Variants in FGFR2 observed in about 807,000 individuals in gnomAD.
FGFR2 encodes the protein BEK fibroblast growth factor receptor.
Under a neutral mutation model 95.9 loss-of-function variants are expected in FGFR2, and 19 were observed. The observed-to-expected ratio is 0.20, with a 90% CI of 0.14 to 0.29. The LOEUF is 0.29. FGFR2 is among the 10% of genes least tolerant of loss of function. The pLI, the probability that FGFR2 is intolerant of heterozygous loss-of-function variation, is 1.00. For synonymous variants in FGFR2, 392 were observed against 393.3 expected, an observed-to-expected ratio of 1.00 and a Z score of 0.04; for missense variants, 707 against 1,056.9, an observed-to-expected ratio of 0.67 and a Z score of 4.59.
intron 4 of FGFR2, among the ~76,000 whole-genome samples, chr10:121,563,780 G>A (rs535046728): frequency 6.6e-6 from 1 of 152,176 alleles, no homozygotes; most frequent in Non-Finnish European, 1.5e-5. Flanking sequence ...AGCTCCAAGA[G>A]GCTACGCCAT....
rs755520875 is a variant in FGFR2, at chr10:121,565,565, A to G, written c.249T>C (p.Asn83=). 1.2e-6 allele frequency: 2 copies of G among 1,614,076 alleles called. No homozygotes were observed. Among genetic ancestry groups the G allele is most frequent in the East Asian group, 2.2e-5 (1 of 44,874 alleles). Residue 83 remains asparagine (N), a synonymous_variant, in exon 3 of 18, where the codon AAT becomes AAC. Coordinates refer to ENST00000358487, the MANE Select transcript of FGFR2 (RefSeq NM_000141.5). ...TKDGVHLGPN[N]RTVLIGEYLQ... is the part of the protein sequence containing the mutation. ...AGTACTCCCCAATAAGCACTGTCCT[A>G]TTGTTGGGCCCCAAGTGCACCCCAT...
At position 121,551,371 on chromosome 10, in the gene FGFR2, G is replaced by T. The variant is rs150598483; in HGVS notation, c.543C>A (p.Ala181=). ...GCATGGTTGGCATTGGGTTCCCCCC[G>T]GCTGGGCAGCGAAACTTGACAGTGT... The part of the protein sequence containing the change: ...AANTVKFRCP[A]GGNPMPTMRW... Residue 181 remains alanine (A), a synonymous_variant, in exon 5 of 18, where the codon GCC becomes GCA. Transcript: ENST00000358487. 2 of 1,614,178 alleles carry T rather than the reference G, an allele frequency of 1.2e-6. No individual in the cohort carries two copies. Among genetic ancestry groups the T allele is most frequent in the Non-Finnish European group, 1.7e-6 (2 of 1,180,038 alleles).
At chr10:121,519,026 G>A (rs1850118941) in intron 7 of FGFR2, among the ~76,000 whole-genome samples, 1 of 152,214 alleles carries the variant, frequency 6.6e-6, no homozygotes, top group Non-Finnish European at 1.5e-5. Context: ...AAGGGCAGGA[G>A]GGTGTGAGCG....
chr10:121,577,357 G>T (rs1860070400), intron 2 of FGFR2, among the ~76,000 whole-genome samples: 1 of 151,102 alleles, frequency 6.6e-6, no homozygotes, highest in South Asian at 2.1e-4. Context: ...TCTGCCATCA[G>T]AAAGACCTTC....
Position 121,565,551 on chromosome 10 carries a change from A to T in FGFR2, c.263T>A (p.Ile88Asn), listed in dbSNP as rs200369248. 1 of 1,614,172 alleles carries T rather than the reference A, an allele frequency of 6.2e-7. No homozygotes were observed. The highest frequency in any genetic ancestry group is 8.5e-7 in the Non-Finnish European group (1 of 1,180,028). ...GCCCTTTATCTGCAAGTACTCCCCAATAAGCACTGTCCTATTGTTGGGCCC... is the reference window on the plus strand; with the variant it reads ...GCCCTTTATCTGCAAGTACTCCCCATTAAGCACTGTCCTATTGTTGGGCCC... ...HLGPNNRTVLIGEYLQIKGAT... is the reference protein window; with the variant it reads ...HLGPNNRTVLNGEYLQIKGAT... Residue 88 changes from isoleucine (I) to asparagine (N), a missense_variant, in exon 3 of 18, where the codon ATT (isoleucine) becomes AAT (asparagine). By Grantham distance (149) the Ile-to-Asn change is moderately radical. This residue lies in a region of FGFR2 where 178 missense variants were observed against 194.1 expected (regional missense o/e 0.92). Transcript: ENST00000358487.
intron 2 of FGFR2, among the ~76,000 whole-genome samples, chr10:121,585,853 C>T (rs974858296): frequency 5.9e-5 from 9 of 152,176 alleles, no homozygotes; most frequent in Non-Finnish European, 1.3e-4. Flanking sequence ...GGTAGAAATG[C>T]AACATGCATT....
At chr10:121,526,843 C>G (rs1017733836) in intron 6 of FGFR2, 12 of 398,328 alleles carry the variant, frequency 3.0e-5, no homozygotes, top group African/African-American at 2.5e-4. Context: ...GTCTGGTCAC[C>G]CAGGTGTCCG....
chr10:121,526,235 G>A (rs1308411541), intron 6 of FGFR2: 1 of 398,594 alleles, frequency 2.5e-6, no homozygotes, highest in Non-Finnish European at 4.4e-6. Context: ...GAGGACAAGT[G>A]AAAACAACTG....
chr10:121,571,575 A>T (rs1317962889), intron 2 of FGFR2, among the ~76,000 whole-genome samples: 1 of 150,312 alleles, frequency 6.7e-6, no homozygotes. Context: ...CCAAAGTGCT[A>T]GGATTACAGG....
At position 121,518,917 on chromosome 10, in the gene FGFR2, A is replaced by G; in HGVS notation, c.939+1062T>C. On this transcript the variant is annotated intron_variant, in intron 7 of 17. Coordinates refer to ENST00000358487, the MANE Select transcript of FGFR2 (RefSeq NM_000141.5). The surrounding 1 kb of genome is among the most constrained non-coding windows in gnomAD (Gnocchi z 4.0). ...TCCCACCACCAACACACCGCAAGAA[A>G]ACAAACTCCATTACGTCTAAACAGC... The G allele has an allele frequency of 1.3e-6, 2 of 1,507,738 alleles. No homozygotes were observed. Among genetic ancestry groups the G allele is most frequent in the East Asian group, 4.5e-5 (2 of 44,300 alleles). 93.4% of individuals were successfully genotyped at this position (1,507,738 alleles called of 1,614,324 possible). A position where few individuals can be genotyped will look rare whatever the true frequency, so the allele number is the denominator to read the frequency against.
chr10:121,497,467 T>C (rs1476228697), intron 12 of FGFR2, among the ~76,000 whole-genome samples: 3 of 152,258 alleles, frequency 2.0e-5, no homozygotes, highest in African/African-American at 4.8e-5. Flanking sequence ...TTGGAACCTG[T>C]TGGGCTTATA....
chr10:121,486,566 C>T, intron 15 of FGFR2, among the ~76,000 whole-genome samples: 1 of 152,168 alleles, frequency 6.6e-6, no homozygotes, highest in East Asian at 1.9e-4. Context: ...CTCAGCCTCC[C>T]AAGTAGTGGA....
At position 121,518,190 on chromosome 10, in the gene FGFR2, T is replaced by A; in HGVS notation, c.940-727A>T. The A allele has an allele frequency of 3.3e-6, 1 of 301,220 alleles. No homozygotes were observed. The highest frequency in any genetic ancestry group is 6.4e-6 in the Non-Finnish European group (1 of 155,626). 18.7% of individuals were successfully genotyped at this position (301,220 alleles called of 1,614,324 possible). On this transcript the variant is annotated intron_variant, in intron 7 of 17. Transcript: ENST00000358487. The surrounding 1 kb of genome is among the most constrained non-coding windows in gnomAD (Gnocchi z 4.0). ...TAAGATGAGCTCCCCTCAAATTTGG[T>A]GCAACAAGGTCAAGAACAGCAACTC...
chr10:121,554,164 C>T (rs1821966622), intron 4 of FGFR2, among the ~76,000 whole-genome samples: 1 of 152,096 alleles, frequency 6.6e-6, no homozygotes, highest in Admixed American at 6.6e-5. Flanking sequence ...TCTCAGAGAT[C>T]CAAGGTTGGG....
intron 15 of FGFR2, 72 bp downstream of exon 15, chr10:121,487,282 G>A (rs1554907228): frequency 1.6e-6 from 2 of 1,229,862 alleles, no homozygotes; most frequent in African/African-American, 1.5e-5. Flanking sequence ...AAAGAAGGAA[G>A]AAAGGTGAAG....
intron 9 of FGFR2, among the ~76,000 whole-genome samples, chr10:121,507,898 C>G (rs1199844073): frequency 2.0e-5 from 3 of 152,080 alleles, no homozygotes; most frequent in Non-Finnish European, 4.4e-5. Flanking sequence ...TTCAACCAAT[C>G]ACAGATCAAA....
At position 121,488,020 on chromosome 10, in the gene FGFR2, T is replaced by G. The variant is rs1013096035; in HGVS notation, c.1957A>C (p.Asn653His). ...ADFGLARDIN[N>H]IDYYKKTTNG... is the part of the protein sequence containing the mutation. Reference sequence around the variant, plus strand: ...GTGGTCTTTTTGTAATAGTCTATATTGTTGATATCTCTGGCGAGTCCAAAG... The same window carrying G: ...GTGGTCTTTTTGTAATAGTCTATATGGTTGATATCTCTGGCGAGTCCAAAG... Residue 653 changes from asparagine (N) to histidine (H), a missense_variant, in exon 14 of 18, where the codon AAT (asparagine) becomes CAT (histidine). By Grantham distance (68) the Asn-to-His change is moderately conservative. Coordinates refer to ENST00000358487, the MANE Select transcript of FGFR2 (RefSeq NM_000141.5). The G allele has an allele frequency of 1.9e-6, 3 of 1,614,078 alleles. No homozygotes were observed. The African/African-American group carries it at 4.0e-5, about 22-fold the overall frequency.
At position 121,579,800 on chromosome 10, in the gene FGFR2, A is replaced by G. The variant is rs74404721; in HGVS notation, c.109+13909T>C. 3.6e-3 allele frequency among the ~76,000 whole-genome samples: 553 copies of G among 152,258 alleles called. 2 individuals carry two copies. The highest frequency in any genetic ancestry group is 0.013 in the African/African-American group (522 of 41,572). On this transcript the variant is annotated intron_variant, in intron 2 of 17. Transcript: ENST00000358487. ...GAGTCCCCACAGCTGTGCCTCACGC[A>G]GTCCACAGAGCTAAGGGCCTGCGTT...
At chr10:121,554,905 A>G (rs1331652453) in intron 4 of FGFR2, among the ~76,000 whole-genome samples, 1 of 152,186 alleles carries the variant, frequency 6.6e-6, no homozygotes, top group African/African-American at 2.4e-5. Context: ...CCAGGCACTT[A>G]GAACGGGCTC....
Sources: gnomAD v4.1 joint callset for allele counts (sites outside exome capture counted in the v4.1 genomes callset) on GRCh38, gnomAD v4.1.1 for gene constraint, gnomAD v4.1.1 regional missense constraint, Gnocchi (gnomAD v3.1) non-coding constraint, MANE v1.5 for transcripts, NCBI Gene and HGNC (gene_info 2026-07-23, HGNC 2026-07-21) for gene names.